The following DSP variants were observed in gnomAD, a reference collection of about 807,000 sequenced individuals.
The protein encoded by DSP is 250/210 kDa paraneoplastic pemphigus antigen.
A neutral mutation model predicts 290.6 loss-of-function variants in DSP; 114 were observed. The ratio of observed to expected loss-of-function variants is 0.39; its 90% CI spans 0.34 to 0.46. DSP has a LOEUF of 0.46. Ranked by LOEUF, DSP falls within the 20% of genes least tolerant of loss-of-function variation. The pLI, the probability that DSP is intolerant of heterozygous loss-of-function variation, is 0.99. For missense variants in DSP, 3,230 were observed against 3,495.8 expected (o/e 0.92, Z 1.92); for synonymous variants, 1,311 against 1,316.4 (o/e 1.00, Z 0.09).
At position 7,542,100 on chromosome 6, in the gene DSP, G is replaced by A. The variant is rs930170275; in HGVS notation, c.170+15G>A. The A allele has an allele frequency of 6.4e-7, 1 of 1,553,572 alleles. No homozygotes were observed. ...GACGGCTACTGGTGGGTACCTGCCC[G>A]GAGAGCGCGGGCTGCGGGGCTCGCG... On this transcript the variant is annotated intron_variant, in intron 1 of 23. Transcript: ENST00000379802.
intron 1 of DSP, among the ~76,000 whole-genome samples, chr6:7,547,069 A>G (rs1187883366): frequency 1.3e-5 from 2 of 152,090 alleles, no homozygotes; most frequent in Non-Finnish European, 2.9e-5. Flanking sequence ...AGGTTCTAGA[A>G]GGAGTGGTTT....
At chr6:7,545,749 A>T (rs1397175733) in intron 1 of DSP, among the ~76,000 whole-genome samples, 1 of 152,224 alleles carries the variant, frequency 6.6e-6, no homozygotes, top group Non-Finnish European at 1.5e-5. Context: ...TCGTGGGGGC[A>T]CTGGGAAGAC....
At position 7,551,615 on chromosome 6, in the gene DSP, G is replaced by A. The variant is rs1261013733; in HGVS notation, c.171-4103G>A. Reference sequence around the variant, plus strand: ...ACTGCACTCCAGCCTGGGCGACAGAGTGAGACTCCTTCTCAAAAAAAAAAA... The same window carrying A: ...ACTGCACTCCAGCCTGGGCGACAGAATGAGACTCCTTCTCAAAAAAAAAAA... On this transcript the variant is annotated intron_variant, in intron 1 of 23. Transcript: ENST00000379802. Among the ~76,000 whole-genome samples the A allele has an allele frequency of 2.0e-5, 3 of 148,732 alleles. No homozygotes were observed. The East Asian group carries it at 5.8e-4, about 29-fold the overall frequency.
In DSP at chr6:7,585,639, A is replaced by G. The variant is rs2113704995; in HGVS notation, c.8377A>G (p.Met2793Val). 1.2e-6 allele frequency: 2 copies of G among 1,614,230 alleles called. No individual in the cohort carries two copies. The highest frequency in any genetic ancestry group is 1.7e-6 in the Non-Finnish European group (2 of 1,180,050). Residue 2793 changes from methionine to valine, a missense_variant, in exon 24 of 24, where the codon ATG becomes GTG. Physicochemically the swap from Met to Val is conservative, Grantham distance 21 (BLOSUM62 1). Coordinates refer to ENST00000379802, the MANE Select transcript of DSP (RefSeq NM_004415.4). ...ISYKDAINRSMVEDITGLRLL... is the reference protein window; with the variant it reads ...ISYKDAINRSVVEDITGLRLL... ...CTATAAGGATGCCATAAATCGCTCC[A>G]TGGTAGAAGATATCACTGGGCTGCG...
At position 7,583,045 on chromosome 6, in the gene DSP, TAGAAAC is replaced by T. The variant is rs1307051071; in HGVS notation, c.5788_5793del (p.Thr1930_Glu1931del). ...TCTACCAGGGAGACACAGTCACAGTTAGAAACAGAACGCTCCCGATATCAGAGGGAG... is the reference window on the plus strand; with the variant it reads ...TCTACCAGGGAGACACAGTCACAGTTAGAACGCTCCCGATATCAGAGGGAG... On this transcript the variant is annotated inframe_deletion, in exon 24 of 24. Coordinates refer to ENST00000379802, the MANE Select transcript of DSP (RefSeq NM_004415.4). This position sits in a 1 kb window ranked among gnomAD's most constrained non-coding sequence, Gnocchi z 4.0. The T allele has an allele frequency of 3.7e-6, 6 of 1,613,728 alleles. No homozygotes were observed. Among genetic ancestry groups the T allele is most frequent in the South Asian group, 3.3e-5 (3 of 91,056 alleles).
chr6:7,551,843 ATT>A (rs1330793617), intron 1 of DSP, among the ~76,000 whole-genome samples: 1 of 152,182 alleles, frequency 6.6e-6, no homozygotes, highest in Admixed American at 6.5e-5. Context: ...GGCAAGGTGG[ATT>A]CCCTATACCT....
chr6:7,576,543 G>C, intron 19 of DSP, 87 bp downstream of exon 19: 2 of 1,526,320 alleles, frequency 1.3e-6, no homozygotes, highest in Non-Finnish European at 1.8e-6. Context: ...TCAGTGCCTA[G>C]GTTTGAAATG....
At chr6:7,543,211 C>G (rs941431527) in intron 1 of DSP, among the ~76,000 whole-genome samples, 3 of 152,018 alleles carry the variant, frequency 2.0e-5, no homozygotes, top group African/African-American at 7.3e-5. Flanking sequence ...GAAAGAGGCC[C>G]TGAGCGCCGG....
intron 1 of DSP, among the ~76,000 whole-genome samples, chr6:7,553,506 T>C (rs958516889): frequency 6.6e-6 from 1 of 152,234 alleles, no homozygotes; most frequent in African/African-American, 2.4e-5. Flanking sequence ...ACCTTCCTAA[T>C]TTTTTAATTC....
At chr6:7,543,507 G>A (rs1561671789) in intron 1 of DSP, among the ~76,000 whole-genome samples, 1 of 144,488 alleles carries the variant, frequency 6.9e-6, no homozygotes, top group African/African-American at 2.6e-5. Flanking sequence ...CCAAGCAATA[G>A]AAGGAATGAA....
chr6:7,550,171 C>G (rs746195950), intron 1 of DSP, among the ~76,000 whole-genome samples: 1 of 151,906 alleles, frequency 6.6e-6, no homozygotes, highest in East Asian at 1.9e-4. Context: ...CTCAGCCTCC[C>G]GAGTAGCTGG....
intron 3 of DSP, among the ~76,000 whole-genome samples, chr6:7,558,547 C>T (rs1758576000): frequency 7.3e-6 from 1 of 137,680 alleles, no homozygotes; most frequent in Non-Finnish European, 1.5e-5. Flanking sequence ...CAGGGTCTCG[C>T]TCTGTCACCC....
In DSP at chr6:7,563,589, G is replaced by A. The variant is rs888502327; in HGVS notation, c.727-147G>A. 2.7e-5 allele frequency: 20 copies of A among 738,408 alleles called. No individual in the cohort carries two copies. In the African/African-American group the frequency reaches 3.4e-4, roughly 12 times the overall value. The allele number at this position is 738,408 out of a possible 1,614,324, so 45.7% of individuals were successfully genotyped here. On this transcript the variant is annotated intron_variant, in intron 5 of 23. Transcript: ENST00000379802. Reference sequence around the variant, plus strand: ...ACCGCCTAGGAAAAAGTCCCCATGGGTGAAATATCTCATAGAGCTAGTAAT... The same window carrying A: ...ACCGCCTAGGAAAAAGTCCCCATGGATGAAATATCTCATAGAGCTAGTAAT...
chr6:7,562,544 A>G, intron 4 of DSP, 108 bp from the exon 5 acceptor site: 1 of 1,581,456 alleles, frequency 6.3e-7, no homozygotes, highest in Non-Finnish European at 8.7e-7. Flanking sequence ...AATACTCCAT[A>G]TTTACATCTT....
In DSP at chr6:7,574,243, A is replaced by G. The variant is rs113967308; in HGVS notation, c.2288A>G (p.Tyr763Cys). ...AATATCAATGGTGTTACAGATGGCT[A>G]CTTAAATAGGTAAACTCAGCTAACA... is the stretch of plus-strand genomic sequence containing the variant. ...LENINGVTDG[Y>C]LNSLCTVRAL... The change falls in exon 16 of 24, where the codon TAC becomes TGC. Residue 763 changes from tyrosine (Y) to cysteine (C), a missense_variant. Coordinates refer to ENST00000379802, the MANE Select transcript of DSP (RefSeq NM_004415.4). 92 of 1,613,686 alleles carry G rather than the reference A, an allele frequency of 5.7e-5. No individual in the cohort carries two copies. The African/African-American group carries it at 1.0e-3, about 18-fold the overall frequency.
rs1759487596 is a variant in DSP at position 7,582,884 on chromosome 6, G to A, written c.5622G>A (p.Lys1874=). 1 of 1,614,006 alleles carries A rather than the reference G, an allele frequency of 6.2e-7. No individual in the cohort carries two copies. Among genetic ancestry groups the A allele is most frequent in the African/African-American group, 1.3e-5 (1 of 74,880 alleles). ...LNQWKTQYSR[K]EEAIRKIESE... ...AGTGGAAGACTCAATATTCCCGCAA[G>A]GAGGAGGCTATTAGGAAGATAGAAT... The change falls in exon 24 of 24, where the codon AAG becomes AAA. Residue 1874 remains lysine (K), a synonymous_variant. Transcript: ENST00000379802. This position sits in a 1 kb window ranked among gnomAD's most constrained non-coding sequence, Gnocchi z 4.2.
chr6:7,571,592 TG>T lies in DSP; in HGVS notation c.1903+11del. Reference sequence around the variant, plus strand: ...ATCCCCAGCACCAGACAGGTCGGCTTGGGACATCTTTCTCTTTGTATCAACC... The same window carrying T: ...ATCCCCAGCACCAGACAGGTCGGCTTGGACATCTTTCTCTTTGTATCAACC... On this transcript the variant is annotated intron_variant, in intron 14 of 23. Coordinates refer to ENST00000379802, the MANE Select transcript of DSP (RefSeq NM_004415.4). The T allele has an allele frequency of 6.2e-7, 1 of 1,614,068 alleles. No homozygotes were observed.
At chr6:7,569,525 C>T (rs757944483) in intron 12 of DSP, among the ~76,000 whole-genome samples, 185 bp downstream of exon 12, 16 of 152,142 alleles carry the variant, frequency 1.1e-4, no homozygotes, top group African/African-American at 3.6e-4. Context: ...AATAGACAGT[C>T]GTTATTGAAG....
chr6:7,569,461 A>G (rs528010076), intron 12 of DSP, 121 bp downstream of exon 12: 4 of 1,432,312 alleles, frequency 2.8e-6, no homozygotes, highest in East Asian at 4.6e-5. Flanking sequence ...AACACCTTCT[A>G]AAAAAAGGAA....
Sources: gnomAD v4.1 joint callset for allele counts (sites outside exome capture counted in the v4.1 genomes callset) on GRCh38, gnomAD v4.1.1 for gene constraint, Gnocchi (gnomAD v3.1) non-coding constraint, MANE v1.5 for transcripts, NCBI Gene and HGNC (gene_info 2026-07-23, HGNC 2026-07-21) for gene names.